The following VTI1A variants were observed in gnomAD, a reference collection of about 807,000 sequenced individuals.
VTI1A encodes vesicle transport through interaction with t-SNAREs homolog 1A.
VTI1A carries 22 observed loss-of-function variants against 34.9 expected under a neutral mutation model. The ratio of observed to expected loss-of-function variants is 0.63; its 90% CI spans 0.45 to 0.90. VTI1A has a LOEUF of 0.90. VTI1A is among the 40% of genes least tolerant of loss of function. VTI1A has a pLI of 0.00. For synonymous variants in VTI1A, 87 were observed against 97.3 expected, an observed-to-expected ratio of 0.89 and a Z score of 0.62; for missense variants, 268 against 275.6, an observed-to-expected ratio of 0.97 and a Z score of 0.20.
intron 1 of VTI1A, chr10:112,448,792 C>T (rs1847096959): frequency 1.3e-5 from 2 of 152,168 alleles, no homozygotes; most frequent in Non-Finnish European, 2.9e-5. Flanking sequence ...CTTTCCCTTT[C>T]CCTACTTCCC....
intron 7 of VTI1A, among the ~76,000 whole-genome samples, chr10:112,685,980 A>C (rs1848393776): frequency 6.6e-6 from 1 of 152,196 alleles, no homozygotes; most frequent in Non-Finnish European, 1.5e-5. Context: ...CAGTTCCCAG[A>C]ATTCAGTGCA....
intron 5 of VTI1A, among the ~76,000 whole-genome samples, chr10:112,620,748 C>A (rs1845704837): frequency 6.6e-6 from 1 of 151,216 alleles, no homozygotes; most frequent in South Asian, 2.1e-4. Context: ...TGAGATCATG[C>A]CATTGCACTC....
chr10:112,824,194 CA>C, the VTI1A span: 1 of 152,262 alleles, frequency 6.6e-6, no homozygotes. Flanking sequence ...GCCACAGAGC[CA>C]GGGGGCCTCC....
At chr10:112,665,208 C>T (rs1471112640) in intron 5 of VTI1A, among the ~76,000 whole-genome samples, 4 of 151,684 alleles carry the variant, frequency 2.6e-5, no homozygotes, top group East Asian at 1.9e-4. Context: ...ATGAAATAAT[C>T]GCTAAACCCA....
At chr10:112,830,156 C>T in the VTI1A span, among the ~76,000 whole-genome samples, 2,054 of 152,224 alleles carry the variant, frequency 0.013, 51 homozygotes, top group African/African-American at 0.047. Flanking sequence ...TCACAATAGC[C>T]AGGGTGAGGA....
intron 7 of VTI1A, among the ~76,000 whole-genome samples, chr10:112,805,960 T>C (rs558285847): frequency 6.6e-6 from 1 of 152,300 alleles, no homozygotes; most frequent in South Asian, 2.1e-4. Context: ...ACTGACTATC[T>C]GGCCCTCTGC....
chr10:112,753,594 C>T (rs1244251000), intron 7 of VTI1A, among the ~76,000 whole-genome samples: 2 of 151,912 alleles, frequency 1.3e-5, no homozygotes, highest in African/African-American at 2.4e-5. Flanking sequence ...ATTGGCCATT[C>T]GGAGATATAA....
intron 7 of VTI1A, among the ~76,000 whole-genome samples, chr10:112,720,880 T>C (rs183616038): frequency 1.3e-5 from 2 of 152,234 alleles, no homozygotes; most frequent in East Asian, 3.9e-4. Context: ...GTTGGAATTG[T>C]ATCCAGGTGG....
chr10:112,831,171 TTGAATGAA>T, the VTI1A span: 1 of 151,944 alleles, frequency 6.6e-6, no homozygotes, highest in African/African-American at 2.4e-5. Flanking sequence ...TAGATTATTG[TTGAATGAA>T]TGAATGAATG....
intron 7 of VTI1A, among the ~76,000 whole-genome samples, chr10:112,673,057 C>T (rs1847905445): frequency 1.3e-5 from 2 of 151,978 alleles, no homozygotes; most frequent in African/African-American, 4.8e-5. Flanking sequence ...TGGCTCACAC[C>T]CGTAATCCCA....
intron 7 of VTI1A, chr10:112,737,997 G>A: frequency 1.0e-5 from 6 of 597,592 alleles, no homozygotes; most frequent in Non-Finnish European, 1.3e-5. Flanking sequence ...CAGAGATCAA[G>A]ATGAGTGTCT....
At chr10:112,475,603 A>G (rs1380812871) in intron 3 of VTI1A, among the ~76,000 whole-genome samples, 1 of 151,630 alleles carries the variant, frequency 6.6e-6, no homozygotes, top group Admixed American at 6.6e-5. Flanking sequence ...TTATATATGT[A>G]TATAGTTTAT....
chr10:112,520,641 GTGTGTGTATATA>G (rs954930381), intron 3 of VTI1A, among the ~76,000 whole-genome samples: 5 of 111,422 alleles, frequency 4.5e-5, no homozygotes, highest in African/African-American at 1.5e-4. Flanking sequence ...GTGTGTGTGT[GTGTGTGTATATA>G]TATATATATA....
At chr10:112,794,899 G>C (rs965312380) in intron 7 of VTI1A, among the ~76,000 whole-genome samples, 1 of 152,218 alleles carries the variant, frequency 6.6e-6, no homozygotes, top group South Asian at 2.1e-4. Flanking sequence ...TACCCAAAGA[G>C]CATTCGTGAC....
chr10:112,603,319 C>T (rs572507172), intron 5 of VTI1A, among the ~76,000 whole-genome samples: 1 of 152,280 alleles, frequency 6.6e-6, no homozygotes, highest in South Asian at 2.1e-4. Context: ...AGACTTGTCC[C>T]ATAGAAGTCT....
intron 5 of VTI1A, among the ~76,000 whole-genome samples, chr10:112,642,460 A>C (rs1005968672): frequency 6.6e-6 from 1 of 152,212 alleles, no homozygotes; most frequent in Non-Finnish European, 1.5e-5. Context: ...TTCATGGTTC[A>C]AAATTATAGT....
chr10:112,822,170 G>A (rs1853666003), downstream of VTI1A, among the ~76,000 whole-genome samples: 1 of 152,126 alleles, frequency 6.6e-6, no homozygotes, highest in Non-Finnish European at 1.5e-5. Flanking sequence ...GAAGGAAAGA[G>A]GGGCTTGGTT....
chr10:112,485,457 A>G (rs1261915516), intron 3 of VTI1A, among the ~76,000 whole-genome samples: 1 of 152,042 alleles, frequency 6.6e-6, no homozygotes, highest in Non-Finnish European at 1.5e-5. Context: ...ACTTTTTGAC[A>G]TTTTCCCCGT....
At chr10:112,601,757 C>G (rs1173241768) in intron 5 of VTI1A, among the ~76,000 whole-genome samples, 1 of 152,114 alleles carries the variant, frequency 6.6e-6, no homozygotes, top group Non-Finnish European at 1.5e-5. Flanking sequence ...ATGCCATGTG[C>G]TCTGAGGTAT....
Sources: gnomAD v4.1 joint callset for allele counts (sites outside exome capture counted in the v4.1 genomes callset) on GRCh38, gnomAD v4.1.1 for gene constraint, MANE v1.5 for transcripts, NCBI Gene and HGNC (gene_info 2026-07-23, HGNC 2026-07-21) for gene names.